ZNF415: variants seen among roughly 807,000 people sequenced by gnomAD.
The protein encoded by ZNF415 is zinc finger protein 415.
A neutral mutation model predicts 7.3 loss-of-function variants in ZNF415; 5 were observed. The ratio of observed to expected loss-of-function variants is 0.69; its 90% CI spans 0.36 to 1.44. The LOEUF (loss-of-function observed/expected upper bound fraction) is 1.44, where lower values mean the gene tolerates loss of function less well. Among genes scored for constraint, ZNF415 ranks in the 40% most tolerant of loss-of-function variants. The pLI, the probability that ZNF415 is intolerant of heterozygous loss-of-function variation, is 0.04. For missense variants in ZNF415, 628 were observed against 664.8 expected (o/e 0.94, Z 0.61); for synonymous variants, 207 against 226.3 (o/e 0.91, Z 0.77).
At chr19:53,132,404 G>C (rs1215773767) in intron 1 of ZNF415, among the ~76,000 whole-genome samples, 4 of 152,078 alleles carry the variant, frequency 2.6e-5, no homozygotes, top group African/African-American at 9.7e-5. Context: ...GGGAGCAGCG[G>C]GGCCCGGCAC....
intron 2 of ZNF415, chr19:53,122,419 G>A: frequency 6.5e-7 from 1 of 1,537,656 alleles, no homozygotes; most frequent in South Asian, 1.2e-5. Flanking sequence ...CTCCATCCAT[G>A]TCTGGGTGTG....
intron 3 of ZNF415, among the ~76,000 whole-genome samples, chr19:53,114,883 C>T (rs2086767723): frequency 6.6e-6 from 1 of 152,202 alleles, no homozygotes; most frequent in Non-Finnish European, 1.5e-5. Flanking sequence ...CCCGGGGCCT[C>T]AGATGCAAAG....
chr19:53,113,439 G>A (rs1259615974), intron 3 of ZNF415, among the ~76,000 whole-genome samples: 2 of 29,276 alleles, frequency 6.8e-5, no homozygotes, highest in East Asian at 1.9e-3. Flanking sequence ...CCCGGGAGGC[G>A]GAGCTTGCAG....
At chr19:53,121,425 T>C (rs1454913095) in intron 2 of ZNF415, among the ~76,000 whole-genome samples, 6 of 151,884 alleles carry the variant, frequency 4.0e-5, no homozygotes, top group African/African-American at 1.5e-4. Context: ...ACTTTATTTT[T>C]GTCGTTGTTG....
intron 3 of ZNF415, among the ~76,000 whole-genome samples, chr19:53,110,187 A>AT (rs952130071): frequency 1.3e-5 from 2 of 152,256 alleles, no homozygotes; most frequent in Admixed American, 1.3e-4. Flanking sequence ...TGAAAGGAGT[A>AT]TTTTTTCACC....
At chr19:53,110,563 A>C (rs768937280) in intron 3 of ZNF415, among the ~76,000 whole-genome samples, 1 of 152,224 alleles carries the variant, frequency 6.6e-6, no homozygotes, top group Non-Finnish European at 1.5e-5. Context: ...AAACTTACTA[A>C]AAACCCATCA....
chr19:53,123,326 C>T (rs2088459808), intron 1 of ZNF415, among the ~76,000 whole-genome samples: 1 of 152,130 alleles, frequency 6.6e-6, no homozygotes, highest in African/African-American at 2.4e-5. Flanking sequence ...TTGGTGTCAT[C>T]AGGATCCAGA....
intron 3 of ZNF415, 161 bp downstream of exon 3, chr19:53,116,152 G>T: frequency 2.4e-6 from 2 of 834,410 alleles, no homozygotes; most frequent in Non-Finnish European, 3.8e-6. Flanking sequence ...TGGAAAAAGG[G>T]GATGGTTAAA....
intron 3 of ZNF415, among the ~76,000 whole-genome samples, chr19:53,114,591 T>C (rs974894313): frequency 9.9e-5 from 15 of 152,178 alleles, no homozygotes; most frequent in African/African-American, 3.4e-4. Context: ...ATACAACATA[T>C]GAGGCTAGAT....
chr19:53,116,567 G>GTATT (rs1386720124), intron 2 of ZNF415, 134 bp from the exon 3 acceptor site: 10 of 1,125,278 alleles, frequency 8.9e-6, no homozygotes, highest in Non-Finnish European at 1.3e-5. Context: ...CCACACTAAG[G>GTATT]TATTTTTGAG....
intron 2 of ZNF415, among the ~76,000 whole-genome samples, chr19:53,118,956 C>T (rs986048822): frequency 4.6e-5 from 7 of 151,294 alleles, no homozygotes; most frequent in South Asian, 4.1e-4. Flanking sequence ...ACCACCCTGG[C>T]GAAGATGGTA....
rs1321801994 is a variant in ZNF415, at chr19:53,108,428, G to A, written c.1617C>T (p.Leu539=). 6.2e-7 allele frequency: 1 copy of A among 1,614,074 alleles called. No individual in the cohort carries two copies. The highest frequency in any genetic ancestry group is 1.7e-5 in the Admixed American group (1 of 60,006). The change falls in exon 4 of 4, where the codon CTC becomes CTT. Residue 539 remains leucine (L), a synonymous_variant. Transcript: ENST00000243643. ...TAGTATGGATAATTTGATGTCTGAA[G>A]AGGTTTGGGCGCACACTAAAGGACT... ...CGKSFSVRPN[L]FRHQIIHTKE... is the part of the protein sequence containing the mutation.
At chr19:53,130,819 T>C (rs1032978206) in intron 1 of ZNF415, among the ~76,000 whole-genome samples, 1 of 152,104 alleles carries the variant, frequency 6.6e-6, no homozygotes, top group Non-Finnish European at 1.5e-5. Context: ...CTAAGTTTTG[T>C]ATTTTTAGTA....
At chr19:53,114,606 A>G (rs563197084) in intron 3 of ZNF415, among the ~76,000 whole-genome samples, 6 of 152,330 alleles carry the variant, frequency 3.9e-5, no homozygotes, top group Admixed American at 1.3e-4. Flanking sequence ...CTAGATTTTG[A>G]AAGATCTTGA....
At chr19:53,131,091 T>C (rs12977077) in intron 1 of ZNF415, among the ~76,000 whole-genome samples, 1 of 77,216 alleles carries the variant, frequency 1.3e-5, no homozygotes, top group South Asian at 4.3e-4. Context: ...TTTTTTTTTT[T>C]AGCTCATCAG....
chr19:53,116,185 C>A, intron 3 of ZNF415, 128 bp downstream of exon 3: 1 of 1,105,666 alleles, frequency 9.0e-7, no homozygotes, highest in South Asian at 1.6e-5. Flanking sequence ...CATTATGGAG[C>A]TTTTCATTTC....
chr19:53,115,773 T>C (rs1173735248), intron 3 of ZNF415: 1 of 1,550,520 alleles, frequency 6.4e-7, no homozygotes, highest in South Asian at 1.2e-5. Context: ...CTTTCTATGG[T>C]CCAGGGCTCT....
chr19:53,117,216 C>T (rs1468557218), intron 2 of ZNF415, among the ~76,000 whole-genome samples: 1 of 151,968 alleles, frequency 6.6e-6, no homozygotes, highest in Non-Finnish European at 1.5e-5. Flanking sequence ...CCAAGGTGGG[C>T]AGATCACCTG....
At chr19:53,126,331 C>A (rs1442578948) in intron 1 of ZNF415, among the ~76,000 whole-genome samples, 1 of 150,690 alleles carries the variant, frequency 6.6e-6, no homozygotes. Flanking sequence ...GCTCAGCAGA[C>A]CCACGTGGCC....
Sources: allele counts gnomAD v4.1 joint callset (sites outside exome capture counted in the v4.1 genomes callset), GRCh38; gene constraint gnomAD v4.1.1; transcripts MANE v1.5; gene names NCBI Gene and HGNC (gene_info 2026-07-23, HGNC 2026-07-21).